Variants in BCKDHB observed in about 807,000 individuals in gnomAD.
BCKDHB encodes branched chain keto acid dehydrogenase E1 subunit beta.
Under a neutral mutation model 48.5 loss-of-function variants are expected in BCKDHB, and 41 were observed. The observed-to-expected ratio is 0.85, with a 90% CI of 0.66 to 1.10. BCKDHB has a LOEUF of 1.10. BCKDHB is among the 50% of genes least tolerant of loss of function. The probability of loss-of-function intolerance (pLI) is 0.00; values close to 1 mark genes in which losing one functional copy is unlikely to be tolerated. For missense variants in BCKDHB, 496 were observed against 494.2 expected (o/e 1.00, Z -0.03); for synonymous variants, 201 against 174.8 (o/e 1.15, Z -1.18).
At chr6:80,144,130 C>G (rs758291926) in intron 3 of BCKDHB, among the ~76,000 whole-genome samples, 1 of 152,118 alleles carries the variant, frequency 6.6e-6, no homozygotes, top group African/African-American at 2.4e-5. Context: ...AAAATCACTT[C>G]AGGAACATCT....
chr6:80,178,697 A>G (rs958633978), intron 6 of BCKDHB, among the ~76,000 whole-genome samples: 1 of 152,174 alleles, frequency 6.6e-6, no homozygotes, highest in Non-Finnish European at 1.5e-5. Flanking sequence ...CATTATTGCC[A>G]TTTTATAGAT....
the BCKDHB span, among the ~76,000 whole-genome samples, chr6:80,431,148 C>T: frequency 2.0e-5 from 3 of 152,150 alleles, no homozygotes; most frequent in Non-Finnish European, 2.9e-5. Context: ...GTTTCTTAAT[C>T]CTGAGTTCTA....
chr6:80,331,210 T>C (rs1043640433), intron 9 of BCKDHB, among the ~76,000 whole-genome samples: 1 of 152,026 alleles, frequency 6.6e-6, no homozygotes, highest in African/African-American at 2.4e-5. Flanking sequence ...AGAGAGCCCC[T>C]CTGAAAAGGA....
At chr6:80,244,321 G>A (rs558040992) in intron 8 of BCKDHB, among the ~76,000 whole-genome samples, 13 of 152,328 alleles carry the variant, frequency 8.5e-5, no homozygotes, top group Middle Eastern at 3.4e-3. Flanking sequence ...AGTGTATGTT[G>A]TTGTAGAAGT....
At chr6:80,179,017 A>G (rs1773292702) in intron 6 of BCKDHB, among the ~76,000 whole-genome samples, 1 of 152,088 alleles carries the variant, frequency 6.6e-6, no homozygotes, top group African/African-American at 2.4e-5. Flanking sequence ...ACATAATTAA[A>G]ATGATCTTAT....
chr6:80,151,755 G>A (rs1021361057), intron 3 of BCKDHB, among the ~76,000 whole-genome samples: 1 of 152,104 alleles, frequency 6.6e-6, no homozygotes, highest in Non-Finnish European at 1.5e-5. Flanking sequence ...CTGAGAAAAG[G>A]GCACCAGCCT....
At chr6:80,107,532 TATATATATATGCACACATATATATGC>T (rs1562050633) in intron 1 of BCKDHB, among the ~76,000 whole-genome samples, 11 of 88,856 alleles carry the variant, frequency 1.2e-4, no homozygotes, top group South Asian at 4.3e-4. Flanking sequence ...TATATATGCA[TATATATATATGCACACATATATATGC>T]ATATATATAT....
intron 8 of BCKDHB, among the ~76,000 whole-genome samples, chr6:80,233,405 T>C (rs1313565817): frequency 6.6e-6 from 1 of 152,168 alleles, no homozygotes; most frequent in Non-Finnish European, 1.5e-5. Context: ...TTGAGATCAT[T>C]CCCAACTAAG....
chr6:80,242,406 A>C (rs1776425916), intron 8 of BCKDHB, among the ~76,000 whole-genome samples: 1 of 152,140 alleles, frequency 6.6e-6, no homozygotes, highest in South Asian at 2.1e-4. Flanking sequence ...CTTTATAATA[A>C]ATTTGAATAT....
At chr6:80,445,882 C>A in the BCKDHB span, among the ~76,000 whole-genome samples, 1 of 152,074 alleles carries the variant, frequency 6.6e-6, no homozygotes, top group Non-Finnish European at 1.5e-5. Context: ...CTGTTAGGAC[C>A]TAGTAGGTGC....
chr6:80,171,635 G>A (rs575153672), intron 6 of BCKDHB, among the ~76,000 whole-genome samples: 1 of 152,148 alleles, frequency 6.6e-6, no homozygotes, highest in East Asian at 1.9e-4. Context: ...CAACAATAAA[G>A]GGACTATGTT....
the BCKDHB span, among the ~76,000 whole-genome samples, chr6:80,368,067 T>G: frequency 6.6e-6 from 1 of 152,198 alleles, no homozygotes; most frequent in Non-Finnish European, 1.5e-5. Context: ...TGTCATCCAG[T>G]CCATCTAATA....
chr6:80,157,092 A>G (rs1772079414), intron 3 of BCKDHB, among the ~76,000 whole-genome samples: 1 of 152,186 alleles, frequency 6.6e-6, no homozygotes, highest in Non-Finnish European at 1.5e-5. Context: ...ACCTCAGTCT[A>G]TGATACTGAA....
chr6:80,402,472 T>A, the BCKDHB span, among the ~76,000 whole-genome samples: 133,382 of 151,750 alleles, frequency 0.88, 59,057 homozygotes, highest in East Asian at 0.95. Context: ...TATGTTTGCT[T>A]TTGGGTTGTA....
the BCKDHB span, among the ~76,000 whole-genome samples, chr6:80,418,520 G>A: frequency 4.6e-5 from 7 of 152,010 alleles, no homozygotes; most frequent in Admixed American, 2.0e-4. Flanking sequence ...AGGTGGATTC[G>A]GCCAACTGGC....
intron 6 of BCKDHB, among the ~76,000 whole-genome samples, chr6:80,192,394 C>T (rs887598953): frequency 6.6e-6 from 1 of 151,978 alleles, no homozygotes; most frequent in African/African-American, 2.4e-5. Context: ...GTAAAATTGA[C>T]ACCCTATGAA....
intron 9 of BCKDHB, among the ~76,000 whole-genome samples, chr6:80,300,254 G>T (rs1324152771): frequency 6.6e-6 from 1 of 151,966 alleles, no homozygotes; most frequent in Non-Finnish European, 1.5e-5. Context: ...GCTTCACCAT[G>T]TTGCCCAGGC....
the BCKDHB span, among the ~76,000 whole-genome samples, chr6:80,351,779 A>G: frequency 6.7e-6 from 1 of 149,266 alleles, no homozygotes; most frequent in Non-Finnish European, 1.5e-5. Flanking sequence ...AGTAACTGGG[A>G]CTACAAACGT....
intron 6 of BCKDHB, among the ~76,000 whole-genome samples, chr6:80,192,131 C>A (rs1302620130): frequency 3.3e-5 from 5 of 152,138 alleles, no homozygotes; most frequent in African/African-American, 4.8e-5. Context: ...CTAATTAAGT[C>A]TTTTTTCTTT....
Sources: gnomAD v4.1 joint callset for allele counts (sites outside exome capture counted in the v4.1 genomes callset) on GRCh38, gnomAD v4.1.1 for gene constraint, MANE v1.5 for transcripts, NCBI Gene and HGNC (gene_info 2026-07-23, HGNC 2026-07-21) for gene names.